TMEM132D: variants seen among roughly 807,000 people sequenced by gnomAD.
TMEM132D encodes transmembrane protein 132D.
TMEM132D carries 21 observed loss-of-function variants against 62.3 expected under a neutral mutation model. That is an observed-to-expected ratio of 0.34 (90% confidence interval 0.24 to 0.49). TMEM132D has a LOEUF of 0.49. Ranked by LOEUF, TMEM132D falls within the 20% of genes least tolerant of loss-of-function variation. The probability of loss-of-function intolerance (pLI) is 0.99; values close to 1 mark genes in which losing one functional copy is unlikely to be tolerated. For missense variants in TMEM132D, 1,346 were observed against 1,402.8 expected (o/e 0.96, Z 0.65); for synonymous variants, 621 against 575.6 (o/e 1.08, Z -1.13).
chr12:129,428,953 T>C (rs1040564721), intron 3 of TMEM132D, among the ~76,000 whole-genome samples: 1 of 152,220 alleles, frequency 6.6e-6, no homozygotes, highest in Non-Finnish European at 1.5e-5. Context: ...GCCACTTAGT[T>C]GCACTAAGCA....
rs191391111 is a variant in TMEM132D at position 129,873,003 on chromosome 12, C to T, written c.79+30258G>A. 2.5e-4 allele frequency among the ~76,000 whole-genome samples: 38 copies of T among 152,236 alleles called. 1 individual carries two copies. The highest frequency in any genetic ancestry group is 1.8e-3 in the Admixed American group (28 of 15,294). ...GATCCTTCATTCAGCGTGAAGAAGG[C>T]GGCTCTCCTATGAACACCTCACTCT... On this transcript the variant is annotated intron_variant, in intron 1 of 8. Coordinates refer to ENST00000422113, the MANE Select transcript of TMEM132D (RefSeq NM_133448.3).
At chr12:129,432,404 C>A (rs1381445461) in intron 3 of TMEM132D, among the ~76,000 whole-genome samples, 5 of 152,078 alleles carry the variant, frequency 3.3e-5, no homozygotes, top group Admixed American at 1.3e-4. Flanking sequence ...GTGAGCTCCA[C>A]GAGAGAAGAG....
intron 5 of TMEM132D, among the ~76,000 whole-genome samples, chr12:129,126,605 G>A (rs953767445): frequency 6.6e-6 from 1 of 152,100 alleles, no homozygotes; most frequent in Non-Finnish European, 1.5e-5. Context: ...CCATCAGGGT[G>A]GGGGGTGAAT....
intron 3 of TMEM132D, among the ~76,000 whole-genome samples, chr12:129,353,797 A>G (rs1327610857): frequency 6.6e-6 from 1 of 152,030 alleles, no homozygotes; most frequent in Non-Finnish European, 1.5e-5. Flanking sequence ...ATGGAGGGCA[A>G]TGAAAAAGGA....
At chr12:129,698,250 T>C (rs987711069) in intron 2 of TMEM132D, 1 of 151,896 alleles carries the variant, frequency 6.6e-6, no homozygotes, top group Non-Finnish European at 1.5e-5. Context: ...GGAACGCTAA[T>C]GAAGGCTTGG....
chr12:129,074,300 T>C lies in TMEM132D; in HGVS notation c.2875A>G (p.Ser959Gly), dbSNP rs2135602519. 1 of 1,614,172 alleles carries C rather than the reference T, an allele frequency of 6.2e-7. No homozygotes were observed. The highest frequency in any genetic ancestry group is 8.5e-7 in the Non-Finnish European group (1 of 1,180,038). Residue 959 changes from serine (S) to glycine (G), a missense_variant, in exon 9 of 9, where the codon AGT becomes GGT. By Grantham distance (56) the Ser-to-Gly change is moderately conservative. Coordinates refer to ENST00000422113, the MANE Select transcript of TMEM132D (RefSeq NM_133448.3). ...QVPFEEQEGM[S>G]HSHDWVGLSN... ...AACCCAACCCAGTCATGAGAGTGAC[T>C]CATCCCTTCCTGCTCCTCGAAGGGA...
At chr12:129,639,404 A>AG (rs1879585135) in intron 2 of TMEM132D, among the ~76,000 whole-genome samples, 1 of 151,294 alleles carries the variant, frequency 6.6e-6, no homozygotes, top group Non-Finnish European at 1.5e-5. Context: ...AAAAAAAAAA[A>AG]AAGTCAGGAA....
intron 4 of TMEM132D, among the ~76,000 whole-genome samples, chr12:129,237,880 T>A (rs1879827820): frequency 2.6e-5 from 4 of 152,158 alleles, no homozygotes; most frequent in Non-Finnish European, 5.9e-5. Flanking sequence ...CTTGGGAGGC[T>A]GAGGCAGGAG....
rs528876499 is a variant in TMEM132D, at chr12:129,244,628, TTTTTG to T, written c.1300-34970_1300-34966del. ...TTATGTTTGTTTGTTTTTTGTTTTA[TTTTTG>T]TTTTGTTTTGTTTTGTTTTGTTTTT... On this transcript the variant is annotated intron_variant, in intron 4 of 8. Coordinates refer to ENST00000422113, the MANE Select transcript of TMEM132D (RefSeq NM_133448.3). Among the ~76,000 whole-genome samples, 319 of 152,044 alleles carry T rather than the reference TTTTTG, an allele frequency of 2.1e-3. 1 individual carries two copies. Among genetic ancestry groups the T allele is most frequent in the Middle Eastern group, 0.01 (3 of 294 alleles).
At chr12:129,314,380 C>T (rs191827373) in intron 4 of TMEM132D, among the ~76,000 whole-genome samples, 16 of 152,266 alleles carry the variant, frequency 1.1e-4, no homozygotes, top group Admixed American at 1.0e-3. Flanking sequence ...GTGTCCTTTC[C>T]CCACTTTATG....
chr12:129,123,778 A>G (rs1222807835), intron 5 of TMEM132D, among the ~76,000 whole-genome samples: 2 of 152,134 alleles, frequency 1.3e-5, no homozygotes, highest in Middle Eastern at 3.2e-3. Context: ...GAACACAAAG[A>G]TGGAGGAAAA....
At chr12:129,288,934 G>A (rs2135617314) in intron 4 of TMEM132D, among the ~76,000 whole-genome samples, 1 of 152,260 alleles carries the variant, frequency 6.6e-6, no homozygotes, top group South Asian at 2.1e-4. Flanking sequence ...GTGACAACGT[G>A]AATAAACCTT....
At chr12:129,722,212 G>A (rs1287454543) in intron 1 of TMEM132D, among the ~76,000 whole-genome samples, 1 of 152,180 alleles carries the variant, frequency 6.6e-6, no homozygotes, top group African/African-American at 2.4e-5. Flanking sequence ...ATGAGAAACT[G>A]TGGGCTCCTG....
intron 1 of TMEM132D, among the ~76,000 whole-genome samples, chr12:129,712,039 T>C (rs73158844): frequency 0.02 from 2,982 of 152,036 alleles, 42 homozygotes; most frequent in Non-Finnish European, 0.03. Flanking sequence ...TCTTATTTAG[T>C]AAATACCCTT....
chr12:129,118,544 A>C lies in TMEM132D; in HGVS notation c.1444-33842T>G, dbSNP rs75884865. 5.1e-3 allele frequency among the ~76,000 whole-genome samples: 784 copies of C among 152,318 alleles called. 27 individuals are homozygous for C. Among genetic ancestry groups the C allele is most frequent in the East Asian group, 0.035 (181 of 5,184 alleles). ...GCTCCAGTTTCCATTAAAATGGCAC[A>C]TTTTCTACAATGCCTACATTTAGTG... On this transcript the variant is annotated intron_variant, in intron 5 of 8. Coordinates refer to ENST00000422113, the MANE Select transcript of TMEM132D (RefSeq NM_133448.3).
At chr12:129,596,783 A>T (rs1241172529) in intron 2 of TMEM132D, among the ~76,000 whole-genome samples, 4 of 151,230 alleles carry the variant, frequency 2.6e-5, no homozygotes, top group Non-Finnish European at 5.9e-5. Context: ...TTTTTTTTTA[A>T]ACTCCTGTTT....
chr12:129,097,402 C>T (rs1460081946), intron 5 of TMEM132D, among the ~76,000 whole-genome samples: 2 of 152,222 alleles, frequency 1.3e-5, no homozygotes, highest in East Asian at 1.9e-4. Flanking sequence ...AATGCACATT[C>T]TCTGTATGTT....
At chr12:129,468,998 A>G (rs1219745713) in intron 3 of TMEM132D, among the ~76,000 whole-genome samples, 5 of 152,232 alleles carry the variant, frequency 3.3e-5, no homozygotes, top group Non-Finnish European at 7.3e-5. Flanking sequence ...TCTGTCTCCT[A>G]CACTGTGCCC....
chr12:129,844,768 A>G (rs1474772456), intron 1 of TMEM132D, among the ~76,000 whole-genome samples: 10 of 152,192 alleles, frequency 6.6e-5, no homozygotes, highest in African/African-American at 7.2e-5. Context: ...TTGCATTGTC[A>G]AGGGGCTGAA....
Sources: gnomAD v4.1 joint callset for allele counts (sites outside exome capture counted in the v4.1 genomes callset) on GRCh38, gnomAD v4.1.1 for gene constraint, MANE v1.5 for transcripts, NCBI Gene and HGNC (gene_info 2026-07-23, HGNC 2026-07-21) for gene names.